The following LAMC2 variants were observed in gnomAD, a reference collection of about 807,000 sequenced individuals.
LAMC2 encodes laminin subunit gamma 2.
In LAMC2, 97 loss-of-function variants were observed where a neutral mutation model predicts 140.2. The observed-to-expected ratio is 0.69, with a 90% confidence interval of 0.59 to 0.82. The LOEUF is 0.82. Ranked by LOEUF, LAMC2 falls within the 40% of genes least tolerant of loss-of-function variation. LAMC2 has a pLI of 0.00. For missense variants in LAMC2, 1,402 were observed against 1,476.1 expected, an observed-to-expected ratio of 0.95 and a Z score of 0.82; for synonymous variants, 513 against 540.2, an observed-to-expected ratio of 0.95 and a Z score of 0.70.
At position 183,227,511 on chromosome 1, in the gene LAMC2, C is replaced by A; in HGVS notation, c.1286-4C>A. 3 of 1,613,238 alleles carry A rather than the reference C, an allele frequency of 1.9e-6. No individual in the cohort carries two copies. The highest frequency in any genetic ancestry group is 2.5e-6 in the Non-Finnish European group (3 of 1,179,234). ...CTGCCCCTCCACTCTTCTCCTACCC[C>A]CAGGAGATTGTTATTCAGGGGATGA... is the stretch of plus-strand genomic sequence containing the variant. On this transcript the variant is annotated splice_polypyrimidine_tract_variant and splice_region_variant and intron_variant, in intron 9 of 22. Transcript: ENST00000264144.
At chr1:183,212,785 G>A (rs964831135) in intron 2 of LAMC2, among the ~76,000 whole-genome samples, 2 of 152,132 alleles carry the variant, frequency 1.3e-5, no homozygotes, top group Non-Finnish European at 2.9e-5. Flanking sequence ...CTGAGGTCTT[G>A]GTCCTCCTCC....
intron 1 of LAMC2, among the ~76,000 whole-genome samples, chr1:183,196,828 T>C (rs950390948): frequency 1.1e-4 from 16 of 152,228 alleles, no homozygotes; most frequent in Admixed American, 2.6e-4. Context: ...ATGATGGTTT[T>C]CTTTTATAAA....
chr1:183,217,637 G>A (rs1448705779), intron 3 of LAMC2, among the ~76,000 whole-genome samples: 5 of 152,154 alleles, frequency 3.3e-5, no homozygotes, highest in Non-Finnish European at 5.9e-5. Flanking sequence ...AGCCAGTCAC[G>A]AAAGACCACA....
Position 183,232,243 on chromosome 1 carries a change from G to A in LAMC2, c.1914G>A (p.Gln638=), listed in dbSNP as rs35397888. 2 of 1,614,074 alleles carry A rather than the reference G, an allele frequency of 1.2e-6. No individual in the cohort carries two copies. Among genetic ancestry groups the A allele is most frequent in the Non-Finnish European group, 1.7e-6 (2 of 1,180,018 alleles). The change falls in exon 13 of 23, where the codon CAG becomes CAA. Residue 638 remains glutamine, a synonymous_variant. Transcript: ENST00000264144. ...QRMEALISKA[Q]GGDGVVPDTE... is the part of the protein sequence containing the mutation. ...TGGAGGCCCTGATTTCAAAGGCTCA[G>A]GGTGGTGATGGAGTAGTACCTGATA...
intron 2 of LAMC2, among the ~76,000 whole-genome samples, chr1:183,213,176 C>T (rs1317153136): frequency 1.3e-5 from 2 of 152,338 alleles, no homozygotes; most frequent in Middle Eastern, 3.4e-3. Context: ...TACTAAATAG[C>T]GTGAGCTAAT....
Position 183,198,122 on chromosome 1 carries a change from A to ATCTTTTTTTATTTCTT in LAMC2, c.80-9750_80-9749insATTTCTTTCTTTTTTT, listed in dbSNP as rs1343180692. Among the ~76,000 whole-genome samples the ATCTTTTTTTATTTCTT allele has an allele frequency of 1.0e-4, 13 of 126,774 alleles. No homozygotes were observed. In the East Asian group the frequency reaches 3.2e-3, roughly 31 times the overall value. The allele number at this position is 126,774 out of a possible 152,430, so 83.2% of individuals were successfully genotyped here. On this transcript the variant is annotated intron_variant, in intron 1 of 22. Transcript: ENST00000264144. ...TAAATAAGAAAGATAATTGAGCATCATCTTTTTTTTTTTCTTTCTTTTTTT... is the reference window on the plus strand; with the variant it reads ...TAAATAAGAAAGATAATTGAGCATCATCTTTTTTTATTTCTTTCTTTTTTTTTTTCTTTCTTTTTTT...
chr1:183,186,904 G>A (rs188167263), intron 1 of LAMC2, among the ~76,000 whole-genome samples: 1 of 152,276 alleles, frequency 6.6e-6, no homozygotes, highest in Non-Finnish European at 1.5e-5. Flanking sequence ...AATAGTATTA[G>A]CAATACCCTT....
rs374431798 is a variant in LAMC2 at position 183,186,361 on chromosome 1, G to T, written c.9G>T (p.Ala3=). 7.4e-5 allele frequency: 119 copies of T among 1,601,928 alleles called. No individual in the cohort carries two copies. In the African/African-American group the frequency reaches 1.5e-3, roughly 20 times the overall value. ...AGCGGCCCGGCCCCGCCATGCCTGC[G>T]CTCTGGCTGGGCTGCTGCCTCTGCT... The part of the protein sequence containing the change: MP[A]LWLGCCLCFS... Residue 3 remains alanine (A), a synonymous_variant, in exon 1 of 23, where the codon GCG becomes GCT. Coordinates refer to ENST00000264144, the MANE Select transcript of LAMC2 (RefSeq NM_005562.3).
At chr1:183,240,966 G>C (rs762220168) in intron 22 of LAMC2, 5 of 157,970 alleles carry the variant, frequency 3.2e-5, no homozygotes, top group African/African-American at 1.2e-4. Context: ...ATCACTTGCC[G>C]GCCGGGTGTG....
intron 5 of LAMC2, 41 bp from the exon 6 acceptor site, chr1:183,222,048 G>A: frequency 1.2e-6 from 2 of 1,613,838 alleles, no homozygotes; most frequent in Non-Finnish European, 1.7e-6. Context: ...AATAGATGAT[G>A]AGGGCTTGTC....
chr1:183,257,431 A>C, the LAMC2 span, among the ~76,000 whole-genome samples: 1 of 152,084 alleles, frequency 6.6e-6, no homozygotes, highest in Non-Finnish European at 1.5e-5. Context: ...ACAGAGTGAG[A>C]CTCTGTCTAA....
chr1:183,253,696 C>G, the LAMC2 span, among the ~76,000 whole-genome samples: 1 of 151,972 alleles, frequency 6.6e-6, no homozygotes, highest in Non-Finnish European at 1.5e-5. Context: ...TGATCTATAT[C>G]TCCCCACTTT....
In LAMC2 at chr1:183,227,669, G is replaced by A. The variant is rs1272278929; in HGVS notation, c.1440G>A (p.Val480=). ...TGATGCCGGAGACGGAGGAGGTGGTGTGCAATAACTGCCCTCCCGGGGTCA... is the reference window on the plus strand; with the variant it reads ...TGATGCCGGAGACGGAGGAGGTGGTATGCAATAACTGCCCTCCCGGGGTCA... ...CSVMPETEEV[V]CNNCPPGVTG... is the part of the protein sequence containing the mutation. The change falls in exon 10 of 23, where the codon GTG becomes GTA. Residue 480 remains valine (V), a synonymous_variant. Transcript: ENST00000264144. 36 of 1,614,086 alleles carry A rather than the reference G, an allele frequency of 2.2e-5. No homozygotes were observed. Among genetic ancestry groups the A allele is most frequent in the Non-Finnish European group, 3.1e-5 (36 of 1,180,038 alleles).
intron 1 of LAMC2, among the ~76,000 whole-genome samples, chr1:183,204,345 C>T (rs1658815248): frequency 6.6e-6 from 1 of 151,754 alleles, no homozygotes; most frequent in Admixed American, 6.6e-5. Context: ...CTGTAATTCC[C>T]AGCACTTTGA....
At chr1:183,250,086 G>A (rs373384792), downstream of LAMC2, 1 of 152,104 alleles carries the variant, frequency 6.6e-6, no homozygotes, top group East Asian at 1.9e-4. Context: ...GCTCACGTGG[G>A]TCCCATAAAT....
At chr1:183,188,544 T>A (rs1658226014) in intron 1 of LAMC2, among the ~76,000 whole-genome samples, 1 of 152,248 alleles carries the variant, frequency 6.6e-6, no homozygotes, top group African/African-American at 2.4e-5. Flanking sequence ...TAGTTCCTTA[T>A]TAGTAATACT....
intron 22 of LAMC2, chr1:183,241,114 G>A (rs924423420): frequency 6.1e-6 from 1 of 165,094 alleles, no homozygotes; most frequent in East Asian, 1.9e-4. Flanking sequence ...TGGATGTGGT[G>A]GTGGGCGCCT....
At chr1:183,236,236 AG>A (rs1553267393) in intron 16 of LAMC2, among the ~76,000 whole-genome samples, 1 of 151,580 alleles carries the variant, frequency 6.6e-6, no homozygotes, top group Non-Finnish European at 1.5e-5. Flanking sequence ...TTAAAAAAAA[AG>A]GGGGGGCCAG....
In LAMC2 at chr1:183,236,440, C is replaced by T. The variant is rs745792607; in HGVS notation, c.2457-20C>T. On this transcript the variant is annotated intron_variant, in intron 16 of 22. Coordinates refer to ENST00000264144, the MANE Select transcript of LAMC2 (RefSeq NM_005562.3). ...AAAGTCCTCTTTTTATTACCGCCCC[C>T]TCCCCACCCCCAACACCAGATTGGA... The T allele has an allele frequency of 6.2e-7, 1 of 1,612,236 alleles. No homozygotes were observed. Among genetic ancestry groups the T allele is most frequent in the Non-Finnish European group, 8.5e-7 (1 of 1,178,830 alleles).
Sources: allele counts gnomAD v4.1 joint callset (sites outside exome capture counted in the v4.1 genomes callset), GRCh38; gene constraint gnomAD v4.1.1; transcripts MANE v1.5; gene names NCBI Gene and HGNC (gene_info 2026-07-23, HGNC 2026-07-21).